The following FLG variants were observed in gnomAD, a reference collection of about 807,000 sequenced individuals.
FLG encodes epidermal filaggrin.
A neutral mutation model predicts 3.8 loss-of-function variants in FLG; 6 were observed. The observed-to-expected ratio is 1.60, with a 90% CI of 0.87 to 3.15. The LOEUF (loss-of-function observed/expected upper bound fraction) is 3.15. FLG is among the 30% of genes most tolerant of loss of function. The pLI is 0.00. For synonymous variants in FLG, 2,551 were observed against 1,931.6 expected (o/e 1.32, Z -8.41); for missense variants, 7,595 against 5,050.9 (o/e 1.50, Z -15.27).
chr1:152,307,085 C>G lies in FLG; in HGVS notation c.7801G>C (p.Asp2601His), dbSNP rs146849256. 1.2e-6 allele frequency: 2 copies of G among 1,610,448 alleles called. No homozygotes were observed. Among genetic ancestry groups the G allele is most frequent in the South Asian group, 2.2e-5 (2 of 90,884 alleles). ...TGGGACCTGGGGTGTCTGGAGCCAT[C>G]TCTTAGCTGCTCCTGAGCAGATCCA... ...HHGSAQEQLR[D>H]GSRHPRSHQE... Residue 2601 changes from aspartate to histidine, a missense_variant, in exon 3 of 3, where the codon GAT becomes CAT. By Grantham distance (81) the Asp-to-His change is moderately conservative (BLOSUM62 -1). Transcript: ENST00000368799.
rs752715330 is a variant in FLG, at chr1:152,302,749, G to A, written c.12137C>T (p.Ser4046Leu). The A allele has an allele frequency of 3.7e-5, 59 of 1,613,896 alleles. No homozygotes were observed. The highest frequency in any genetic ancestry group is 1.1e-4 in the South Asian group (10 of 91,066). Residue 4046 changes from serine (S) to leucine (L), a missense_variant, in exon 3 of 3, where the codon TCG becomes TTG. Transcript: ENST00000368799. ...TGACTGACTAAATCCCAGTTGTTTC[G>A]ATATATCACTAGAATGGCCACATAA... ...PGLCGHSSDISKQLGFSQSQR... is the reference protein window; with the variant it reads ...PGLCGHSSDILKQLGFSQSQR...
chr1:152,303,250 C>A lies in FLG; in HGVS notation c.11636G>T (p.Arg3879Leu), dbSNP rs763082025. The A allele has an allele frequency of 4.3e-6, 7 of 1,613,886 alleles. No homozygotes were observed. The highest frequency in any genetic ancestry group is 2.7e-5 in the African/African-American group (2 of 74,866). The change falls in exon 3 of 3, where the codon CGA (arginine) becomes CTA (leucine). Residue 3879 changes from arginine (R) to leucine (L), a missense_variant. Coordinates refer to ENST00000368799, the MANE Select transcript of FLG (RefSeq NM_002016.2). The part of the protein sequence containing the change: ...SEAYPEDSER[R>L]SESASRNHHG... ...ATGGTTTCTGGAAGCAGACTCAGATCGCCTCTCAGAGTCCTCTGGGTATGC... is the reference window on the plus strand; with the variant it reads ...ATGGTTTCTGGAAGCAGACTCAGATAGCCTCTCAGAGTCCTCTGGGTATGC...
At chr1:152,317,135 C>T (rs1652813381) in intron 1 of FLG, among the ~76,000 whole-genome samples, 2 of 152,108 alleles carry the variant, frequency 1.3e-5, no homozygotes, top group Admixed American at 6.6e-5. Flanking sequence ...TTTGCTTTTG[C>T]AGTTGCCTAC....
chr1:152,309,704 C>A lies in FLG; in HGVS notation c.5182G>T (p.Glu1728Ter), dbSNP rs757549527. The A allele has an allele frequency of 2.5e-6, 4 of 1,614,084 alleles. No homozygotes were observed. The highest frequency in any genetic ancestry group is 1.7e-5 in the Admixed American group (1 of 60,022). ...GCTGACACTGACTGTGTGTCTGACT[C>A]TTCTGAGTGTCCCTCGCTGTCACTG... is the stretch of plus-strand genomic sequence containing the variant. ...QASDSEGHSE[E>*]SDTQSVSAHG... Residue 1728 changes from glutamate to a stop codon, truncating the protein, a stop_gained, in exon 3 of 3, where the codon GAG becomes TAG. Transcript: ENST00000368799. LOFTEE classifies it low-confidence loss of function (END_TRUNC).
At position 152,302,928 on chromosome 1, in the gene FLG, A is replaced by G. The variant is rs368158669; in HGVS notation, c.11958T>C (p.Tyr3986=). 5.0e-5 allele frequency: 80 copies of G among 1,614,210 alleles called. No individual in the cohort carries two copies. The highest frequency in any genetic ancestry group is 6.5e-5 in the Non-Finnish European group (77 of 1,180,040). ...HGSYGSADYD[Y]GESGFRHSQH... ...GAGAGTGTCTAAACCCGGATTCACC[A>G]TAATCATAATCTGCACTACCATAGC... The change falls in exon 3 of 3, where the codon TAT becomes TAC. Residue 3986 remains tyrosine (Y), a synonymous_variant. Transcript: ENST00000368799.
chr1:152,304,024 C>T lies in FLG; in HGVS notation c.10862G>A (p.Ser3621Asn), dbSNP rs1159784319. 6.2e-7 allele frequency: 1 copy of T among 1,613,860 alleles called. No homozygotes were observed. Among genetic ancestry groups the T allele is most frequent in the East Asian group, 2.2e-5 (1 of 44,720 alleles). The change falls in exon 3 of 3, where the codon AGT becomes AAT. Residue 3621 changes from serine (S) to asparagine (N), a missense_variant. Coordinates refer to ENST00000368799, the MANE Select transcript of FLG (RefSeq NM_002016.2). ...AASSHEQARS[S>N]AGERHGSHHQ... is the part of the protein sequence containing the mutation. Reference sequence around the variant, plus strand: ...GTGGGATCCATGTCTCTCTCCTGCACTTGATCTTGCCTGTTCATGGGATGA... The same window carrying T: ...GTGGGATCCATGTCTCTCTCCTGCATTTGATCTTGCCTGTTCATGGGATGA...
In FLG at chr1:152,307,425, G is replaced by C; in HGVS notation, c.7461C>G (p.His2487Gln). 6.2e-7 allele frequency: 1 copy of C among 1,613,264 alleles called. No individual in the cohort carries two copies. The highest frequency in any genetic ancestry group is 8.5e-7 in the Non-Finnish European group (1 of 1,179,736). ...HYEQLVDRSG[H>Q]SGSHHSHTTS... ...TGGTGTGGCTGTGATGAGACCCTGA[G>C]TGTCCAGATCTATCTACCAATTGCT... Residue 2487 changes from histidine to glutamine, a missense_variant, in exon 3 of 3, where the codon CAC becomes CAG. Coordinates refer to ENST00000368799, the MANE Select transcript of FLG (RefSeq NM_002016.2).
In FLG at chr1:152,310,643, G is replaced by C. The variant is rs1486767018; in HGVS notation, c.4243C>G (p.Gln1415Glu). ...SDTQSVSAHG[Q>E]AGPHQQSHKE... ...TGGCTCTGCTGATGGGGCCCAGCTT[G>C]TCCGTGGGCTGACACTGACTGTGTG... The change falls in exon 3 of 3, where the codon CAA becomes GAA. Residue 1415 changes from glutamine (Q) to glutamate (E), a missense_variant. Transcript: ENST00000368799. The C allele has an allele frequency of 1.9e-6, 3 of 1,613,950 alleles. No homozygotes were observed. The highest frequency in any genetic ancestry group is 2.5e-6 in the Non-Finnish European group (3 of 1,179,988).
In FLG at chr1:152,312,520, C is replaced by A. The variant is rs147308729; in HGVS notation, c.2366G>T (p.Arg789Leu). The change falls in exon 3 of 3, where the codon CGT (arginine) becomes CTT (leucine). Residue 789 changes from arginine to leucine, a missense_variant. Coordinates refer to ENST00000368799, the MANE Select transcript of FLG (RefSeq NM_002016.2). ...ARDRSGERSR[R>L]SGSFLYQVST... ...CACCTGGTAGAGGAAAGACCCTGAA[C>A]GTCGAGACCTTTCCCCTGACCGGTC... The A allele has an allele frequency of 6.2e-7, 1 of 1,613,492 alleles. No homozygotes were observed. The highest frequency in any genetic ancestry group is 8.5e-7 in the Non-Finnish European group (1 of 1,179,876).
intron 1 of FLG, among the ~76,000 whole-genome samples, chr1:152,323,343 A>C (rs2101659415): frequency 6.6e-6 from 1 of 151,888 alleles, no homozygotes; most frequent in South Asian, 2.1e-4. Flanking sequence ...TAAAGATAGC[A>C]TTAGAAGAGA....
Position 152,309,142 on chromosome 1 carries a change from C to T in FLG, c.5744G>A (p.Gly1915Glu), listed in dbSNP as rs145528116. 25 of 1,613,608 alleles carry T rather than the reference C, an allele frequency of 1.5e-5. No individual in the cohort carries two copies. Among genetic ancestry groups the T allele is most frequent in the Middle Eastern group, 3.3e-4 (2 of 6,084 alleles). ...GTCACTGTCCTGGCTAACACTGGAT[C>T]CCTGGTTCCTGCTTGTCCTGGGCCC... is the stretch of plus-strand genomic sequence containing the variant. ...SSGPRTSRNQ[G>E]SSVSQDSDSQ... Residue 1915 changes from glycine (G) to glutamate (E), a missense_variant, in exon 3 of 3, where the codon GGA becomes GAA. Coordinates refer to ENST00000368799, the MANE Select transcript of FLG (RefSeq NM_002016.2).
In FLG at chr1:152,309,538, C is replaced by T. The variant is rs200508071; in HGVS notation, c.5348G>A (p.Gly1783Glu). Reference sequence around the variant, plus strand: ...TCTTTGTCTTCCTCCAGTGCTGGGCCCTGTGCGTCCATGGGCGGACTCAGA... The same window carrying T: ...TCTTTGTCTTCCTCCAGTGCTGGGCTCTGTGCGTCCATGGGCGGACTCAGA... Reference protein sequence around the residue: ...EQSESAHGRTGPSTGGRQRSR... With the variant: ...EQSESAHGRTEPSTGGRQRSR... Residue 1783 changes from glycine to glutamate, a missense_variant, in exon 3 of 3, where the codon GGG (glycine) becomes GAG (glutamate). Physicochemically the swap from Gly to Glu is moderately conservative, Grantham distance 98 (BLOSUM62 -2). Coordinates refer to ENST00000368799, the MANE Select transcript of FLG (RefSeq NM_002016.2). The T allele has an allele frequency of 1.1e-4, 170 of 1,613,704 alleles. No homozygotes were observed. Among genetic ancestry groups the T allele is most frequent in the Non-Finnish European group, 1.3e-4 (153 of 1,179,970 alleles).
chr1:152,317,159 T>G (rs570343734), intron 1 of FLG, among the ~76,000 whole-genome samples: 1 of 152,118 alleles, frequency 6.6e-6, no homozygotes, highest in Non-Finnish European at 1.5e-5. Flanking sequence ...CTCATATGCA[T>G]CATTAATTCT....
chr1:152,312,633 C>G lies in FLG; in HGVS notation c.2253G>C (p.Glu751Asp), dbSNP rs1047773967. 6.2e-6 allele frequency: 10 copies of G among 1,613,760 alleles called. No individual in the cohort carries two copies. Among genetic ancestry groups the G allele is most frequent in the Non-Finnish European group, 8.5e-6 (10 of 1,179,984 alleles). ...GTGTGTCTGAGTCTTCTGAATGTCCCTCACTGTCAGTGGCCTGACTACCAC... is the reference window on the plus strand; with the variant it reads ...GTGTGTCTGAGTCTTCTGAATGTCCGTCACTGTCAGTGGCCTGACTACCAC... The part of the protein sequence containing the change: ...GSSGSQATDS[E>D]GHSEDSDTQS... The change falls in exon 3 of 3, where the codon GAG becomes GAC. Residue 751 changes from glutamate (E) to aspartate (D), a missense_variant. By Grantham distance (45) the Glu-to-Asp change is conservative. Transcript: ENST00000368799.
Position 152,310,603 on chromosome 1 carries a change from C to G in FLG, c.4283G>C (p.Arg1428Pro). The change falls in exon 3 of 3, where the codon CGT (arginine) becomes CCT (proline). Residue 1428 changes from arginine to proline, a missense_variant. Physicochemically the swap from Arg to Pro is moderately radical, Grantham distance 103. Coordinates refer to ENST00000368799, the MANE Select transcript of FLG (RefSeq NM_002016.2). Reference protein sequence around the residue: ...PHQQSHKESARGQSGESSGRS... With the variant: ...PHQQSHKESAPGQSGESSGRS... ...TCCAGAGCTTTCCCCTGACTGGCCA[C>G]GTGCGGACTCTTTGTGGCTCTGCTG... 2 of 1,613,988 alleles carry G rather than the reference C, an allele frequency of 1.2e-6. No homozygotes were observed. The highest frequency in any genetic ancestry group is 1.7e-6 in the Non-Finnish European group (2 of 1,179,998).
chr1:152,307,619 G>A lies in FLG; in HGVS notation c.7267C>T (p.Gln2423Ter). The A allele has an allele frequency of 6.2e-7, 1 of 1,613,166 alleles. No individual in the cohort carries two copies. Among genetic ancestry groups the A allele is most frequent in the Non-Finnish European group, 8.5e-7 (1 of 1,179,448 alleles). Residue 2423 changes from glutamine to a stop codon, truncating the protein, a stop_gained, in exon 3 of 3, where the codon CAG becomes TAG. Coordinates refer to ENST00000368799, the MANE Select transcript of FLG (RefSeq NM_002016.2). LOFTEE classifies it low-confidence loss of function (END_TRUNC). ...GTCCGTCCATGGGCGGACTCAGACT[G>A]TTCATGAGTGCTCACCTGGTAGAGG... ...SFLYQVSTHEQSESAHGRTGT... is the reference protein window; with the variant it reads ...SFLYQVSTHE
Position 152,306,213 on chromosome 1 carries a change from C to A in FLG, c.8673G>T (p.Val2891=), listed in dbSNP as rs57672167. 328,756 of 1,596,296 alleles carry A rather than the reference C, an allele frequency of 0.21. 47,316 individuals carry two copies. The highest frequency in any genetic ancestry group is 0.61 in the East Asian group (27,085 of 44,636). Residue 2891 remains valine, a synonymous_variant, in exon 3 of 3, where the codon GTG becomes GTT. Coordinates refer to ENST00000368799, the MANE Select transcript of FLG (RefSeq NM_002016.2). ...GTCCCTCACTGTCACTGTCCTGGCT[C>A]ACACTGGATCCCTGGCGCCTGCTTC... ...SRRSRRQGSS[V]SQDSDSEGHS...
Position 152,311,351 on chromosome 1 carries a change from A to T in FLG, c.3535T>A (p.Ser1179Thr). The T allele has an allele frequency of 1.9e-6, 3 of 1,613,306 alleles. No homozygotes were observed. The highest frequency in any genetic ancestry group is 1.1e-5 in the South Asian group (1 of 91,042). The change falls in exon 3 of 3, where the codon TCC becomes ACC. Residue 1179 changes from serine to threonine, a missense_variant. Transcript: ENST00000368799. The stretch of plus-strand genomic sequence containing the variant: ...CTATCTACCGATTGCTCATGGTGGG[A>T]TCCCTGCCTTCCTCCTCTCCTTGAC... ...PGSRRGGRQG[S>T]HHEQSVDRSG... is the part of the protein sequence containing the mutation.
rs779659750 is a variant in FLG at position 152,308,807 on chromosome 1, C to A, written c.6079G>T (p.Ala2027Ser). ...CCACTGTCTCTGACTGCAGATGAAG[C>A]TTGTCCATGCCCAATGCCTGAGTGT... ...SRHSGIGHGQ[A>S]SSAVRDSGHR... Residue 2027 changes from alanine (A) to serine (S), a missense_variant, in exon 3 of 3, where the codon GCT becomes TCT. Coordinates refer to ENST00000368799, the MANE Select transcript of FLG (RefSeq NM_002016.2). 1 of 1,614,182 alleles carries A rather than the reference C, an allele frequency of 6.2e-7. No individual in the cohort carries two copies. Among genetic ancestry groups the A allele is most frequent in the Admixed American group, 1.7e-5 (1 of 60,024 alleles).
Sources: gnomAD v4.1 joint callset for allele counts (sites outside exome capture counted in the v4.1 genomes callset) on GRCh38, gnomAD v4.1.1 for gene constraint, MANE v1.5 for transcripts, NCBI Gene and HGNC (gene_info 2026-07-23, HGNC 2026-07-21) for gene names.